TINAGL1: variants seen among roughly 807,000 people sequenced by gnomAD.
TINAGL1 encodes the protein tubulointerstitial nephritis antigen like 1.
A neutral mutation model predicts 62.0 loss-of-function variants in TINAGL1; 34 were observed. That is an observed-to-expected ratio of 0.55 (90% confidence interval 0.42 to 0.73). The LOEUF (loss-of-function observed/expected upper bound fraction) is 0.73, where lower values mean the gene tolerates loss of function less well. Ranked by LOEUF, TINAGL1 falls within the 30% of genes least tolerant of loss-of-function variation. The pLI is 0.00. For missense variants in TINAGL1, 516 were observed against 653.2 expected (o/e 0.79, Z 2.29); for synonymous variants, 221 against 249.7 (o/e 0.88, Z 1.08).
At position 31,585,398 on chromosome 1, in the gene TINAGL1, T is replaced by G. The variant is rs769681672; in HGVS notation, c.1048-42T>G. On this transcript the variant is annotated intron_variant, in intron 8 of 11. Transcript: ENST00000271064. This position sits in a 1 kb window ranked among gnomAD's most constrained non-coding sequence, Gnocchi z 4.3. ...AGGAGGGTTGTGAAAGCCTGGAGTC[T>G]CACCCCTGACGTATGCTCTCTGTCC... The G allele has an allele frequency of 2.5e-6, 4 of 1,610,350 alleles. No homozygotes were observed. The highest frequency in any genetic ancestry group is 3.4e-6 in the Non-Finnish European group (4 of 1,178,190).
Position 31,586,942 on chromosome 1 carries a change from G to C in TINAGL1, c.1367G>C (p.Trp456Ser). Residue 456 changes from tryptophan (W) to serine (S), a missense_variant, in exon 12 of 12, where the codon TGG becomes TCG. Physicochemically the swap from Trp to Ser is radical, Grantham distance 177 (BLOSUM62 -3). Transcript: ENST00000271064. ...ATCGAGAGCTTCGTGCTGGGCGTCT[G>C]GGGCCGCGTGGGCATGGAGGACATG... ...CDIESFVLGV[W>S]GRVGMEDMGH... 1 of 1,532,898 alleles carries C rather than the reference G, an allele frequency of 6.5e-7. No homozygotes were observed. The highest frequency in any genetic ancestry group is 8.7e-7 in the Non-Finnish European group (1 of 1,143,810). The allele number at this position is 1,532,898 out of a possible 1,614,324, so 95.0% of individuals were successfully genotyped here. A position where few individuals can be genotyped will look rare whatever the true frequency, so the allele number is the denominator to read the frequency against.
intron 3 of TINAGL1, chr1:31,580,164 TC>T (rs1639181961): frequency 1.5e-5 from 2 of 132,436 alleles, no homozygotes; most frequent in East Asian, 5.0e-4. Flanking sequence ...GTTAATGCGC[TC>T]TCTCTCTCTC....
In TINAGL1 at chr1:31,587,017, G is replaced by A; in HGVS notation, c.*38G>A. The A allele has an allele frequency of 1.4e-6, 2 of 1,419,704 alleles. No individual in the cohort carries two copies. Among genetic ancestry groups the A allele is most frequent in the Non-Finnish European group, 1.8e-6 (2 of 1,090,858 alleles). The allele number at this position is 1,419,704 out of a possible 1,614,324, so 87.9% of individuals were successfully genotyped here. Reference sequence around the variant, plus strand: ...CACGCGGGGTCCGGCCTGGGATCCAGGCTAAGGGCCGGCGGAAGAGGCCCC... The same window carrying A: ...CACGCGGGGTCCGGCCTGGGATCCAAGCTAAGGGCCGGCGGAAGAGGCCCC... On this transcript the variant is annotated 3_prime_UTR_variant, in exon 12 of 12. Transcript: ENST00000271064.
intron 3 of TINAGL1, among the ~76,000 whole-genome samples, chr1:31,581,079 C>T (rs147856395): frequency 6.6e-6 from 1 of 152,170 alleles, no homozygotes; most frequent in Non-Finnish European, 1.5e-5. Flanking sequence ...GGGAGTGGCT[C>T]GTGGGAAGGC....
rs555638502 is a variant in TINAGL1, at chr1:31,579,792, A to T, written c.374+525A>T. 98 of 160,102 alleles carry T rather than the reference A, an allele frequency of 6.1e-4. 1 individual carries two copies. Among genetic ancestry groups the T allele is most frequent in the Non-Finnish European group, 1.0e-3 (76 of 72,826 alleles). 9.9% of individuals were successfully genotyped at this position (160,102 alleles called of 1,614,324 possible). A position where few individuals can be genotyped will look rare whatever the true frequency, so the allele number is the denominator to read the frequency against. On this transcript the variant is annotated intron_variant, in intron 3 of 11. Transcript: ENST00000271064. ...TGGGTACCCCCCTATTCAGTCTGAG[A>T]TGGGAAGTGGAGAAGGGCCAGGTAG...
At chr1:31,580,281 C>T in intron 3 of TINAGL1, 2 of 1,223,516 alleles carry the variant, frequency 1.6e-6, no homozygotes, top group Non-Finnish European at 2.1e-6. Flanking sequence ...TGTCCCTGGC[C>T]CCTTAGGCCC....
In TINAGL1 at chr1:31,587,505, G is replaced by A. The variant is rs1639431493; in HGVS notation, c.*526G>A. ...CTAATTTTTGTATTTTTTGTAAAGA[G>A]GGGGGTCTCACTGTGTTGCCCAGGC... On this transcript the variant is annotated 3_prime_UTR_variant, in exon 12 of 12. Transcript: ENST00000271064. 6.6e-6 allele frequency: 1 copy of A among 152,094 alleles called. No homozygotes were observed. The highest frequency in any genetic ancestry group is 6.6e-5 in the Admixed American group (1 of 15,250). The allele number at this position is 152,094 out of a possible 1,614,324, so 9.4% of individuals were successfully genotyped here.
Position 31,583,646 on chromosome 1 carries a change from C to G in TINAGL1, c.582+71C>G. The G allele has an allele frequency of 7.4e-7, 1 of 1,353,422 alleles. No individual in the cohort carries two copies. Among genetic ancestry groups the G allele is most frequent in the Non-Finnish European group, 1.0e-6 (1 of 975,486 alleles). 83.8% of individuals were successfully genotyped at this position (1,353,422 alleles called of 1,614,324 possible). A position where few individuals can be genotyped will look rare whatever the true frequency, so the allele number is the denominator to read the frequency against. On this transcript the variant is annotated intron_variant, in intron 5 of 11. Coordinates refer to ENST00000271064, the MANE Select transcript of TINAGL1 (RefSeq NM_022164.3). The surrounding 1 kb of genome is among the most constrained non-coding windows in gnomAD (Gnocchi z 4.4). ...GAACCTCAGGGATGCTGGCCCTGTG[C>G]CCTGCTCCTCCAAGGGCCTGGACCA... is the stretch of plus-strand genomic sequence containing the variant.
At position 31,587,177 on chromosome 1, in the gene TINAGL1, C is replaced by T; in HGVS notation, c.*198C>T. 1.3e-6 allele frequency: 1 copy of T among 765,092 alleles called. No homozygotes were observed. The highest frequency in any genetic ancestry group is 1.8e-6 in the Non-Finnish European group (1 of 552,580). The allele number at this position is 765,092 out of a possible 1,614,324, so 47.4% of individuals were successfully genotyped here. A position where few individuals can be genotyped will look rare whatever the true frequency, so the allele number is the denominator to read the frequency against. ...CGGGCAGGCGAGACTGGCGGAGCCC[C>T]CAGACCTCCCAGTGGGGACGGGGCA... On this transcript the variant is annotated 3_prime_UTR_variant, in exon 12 of 12. Coordinates refer to ENST00000271064, the MANE Select transcript of TINAGL1 (RefSeq NM_022164.3).
intron 3 of TINAGL1, among the ~76,000 whole-genome samples, chr1:31,581,397 C>A (rs902248305): frequency 6.6e-6 from 1 of 151,898 alleles, no homozygotes; most frequent in Non-Finnish European, 1.5e-5. Flanking sequence ...AGTGGAGGGG[C>A]GAGAGGTAGG....
Position 31,586,948 on chromosome 1 carries a change from G to A in TINAGL1, c.1373G>A (p.Arg458His), listed in dbSNP as rs749823434. The A allele has an allele frequency of 1.3e-6, 2 of 1,531,596 alleles. No homozygotes were observed. Among genetic ancestry groups the A allele is most frequent in the Non-Finnish European group, 1.7e-6 (2 of 1,143,328 alleles). 94.9% of individuals were successfully genotyped at this position (1,531,596 alleles called of 1,614,324 possible). ...IESFVLGVWGRVGMEDMGHH is the reference protein window; with the variant it reads ...IESFVLGVWGHVGMEDMGHH ...AGCTTCGTGCTGGGCGTCTGGGGCC[G>A]CGTGGGCATGGAGGACATGGGTCAT... Residue 458 changes from arginine (R) to histidine (H), a missense_variant, in exon 12 of 12, where the codon CGC becomes CAC. Arg to His is a conservative substitution (Grantham distance 29). Transcript: ENST00000271064.
In TINAGL1 at chr1:31,584,823, G is replaced by A; in HGVS notation, c.706+22G>A. Reference sequence around the variant, plus strand: ...GCAGGTAAGCCAAGGGCAAGGGCTGGCGCCTGGGAGAGGAGGGCCAAGTCC... The same window carrying A: ...GCAGGTAAGCCAAGGGCAAGGGCTGACGCCTGGGAGAGGAGGGCCAAGTCC... On this transcript the variant is annotated intron_variant, in intron 6 of 11. Coordinates refer to ENST00000271064, the MANE Select transcript of TINAGL1 (RefSeq NM_022164.3). The surrounding 1 kb of genome is among the most constrained non-coding windows in gnomAD (Gnocchi z 4.0). 1 of 1,614,206 alleles carries A rather than the reference G, an allele frequency of 6.2e-7. No individual in the cohort carries two copies. Among genetic ancestry groups the A allele is most frequent in the Non-Finnish European group, 8.5e-7 (1 of 1,179,998 alleles).
Position 31,583,404 on chromosome 1 carries a change from G to A in TINAGL1, c.468-57G>A, listed in dbSNP as rs995506122. ...GTCTCTCCCACCCACATGCACCCAC[G>A]CCAAGGACCCTGAGCCTCGGCAGAT... On this transcript the variant is annotated intron_variant, in intron 4 of 11. Transcript: ENST00000271064. This position sits in a 1 kb window ranked among gnomAD's most constrained non-coding sequence, Gnocchi z 4.4. 1.2e-5 allele frequency: 18 copies of A among 1,557,572 alleles called. No individual in the cohort carries two copies. Among genetic ancestry groups the A allele is most frequent in the Middle Eastern group, 1.7e-4 (1 of 5,954 alleles).
At position 31,585,375 on chromosome 1, in the gene TINAGL1, G is replaced by A. The variant is rs1418453544; in HGVS notation, c.1047+35G>A. The A allele has an allele frequency of 9.3e-6, 15 of 1,606,428 alleles. No individual in the cohort carries two copies. Among genetic ancestry groups the A allele is most frequent in the Non-Finnish European group, 1.3e-5 (15 of 1,175,386 alleles). ...CACTTGGGTGAGGGCGCCGAGGCAG[G>A]AGGGTTGTGAAAGCCTGGAGTCTCA... On this transcript the variant is annotated intron_variant, in intron 8 of 11. Coordinates refer to ENST00000271064, the MANE Select transcript of TINAGL1 (RefSeq NM_022164.3). The surrounding 1 kb of genome is among the most constrained non-coding windows in gnomAD (Gnocchi z 4.3).
At position 31,585,135 on chromosome 1, in the gene TINAGL1, C is replaced by T; in HGVS notation, c.858-16C>T. ...CTGAGTCTTTCTGCCTTTGCTCCCTCTTGCTGCCTTTGCAGGGTGGTGTCT... is the reference window on the plus strand; with the variant it reads ...CTGAGTCTTTCTGCCTTTGCTCCCTTTTGCTGCCTTTGCAGGGTGGTGTCT... On this transcript the variant is annotated splice_polypyrimidine_tract_variant and intron_variant, in intron 7 of 11. Coordinates refer to ENST00000271064, the MANE Select transcript of TINAGL1 (RefSeq NM_022164.3). This position sits in a 1 kb window ranked among gnomAD's most constrained non-coding sequence, Gnocchi z 4.3. 6.4e-7 allele frequency: 1 copy of T among 1,568,396 alleles called. No individual in the cohort carries two copies. The highest frequency in any genetic ancestry group is 8.7e-7 in the Non-Finnish European group (1 of 1,154,160).
At chr1:31,579,087 G>GA in intron 2 of TINAGL1, 117 bp from the exon 3 acceptor site, 1 of 735,136 alleles carries the variant, frequency 1.4e-6, no homozygotes, top group Non-Finnish European at 2.4e-6. Flanking sequence ...GTGAGACAGA[G>GA]AGAGAGAAAG....
rs778497873 is a variant in TINAGL1 at position 31,577,504 on chromosome 1, A to C, written c.310+46A>C. ...GAGGGTGGGTCACTTTGTCCACCTC[A>C]GACTCAGCAAGGCTCAAGAGCAAAG... On this transcript the variant is annotated intron_variant, in intron 2 of 11. Transcript: ENST00000271064. The surrounding 1 kb of genome is among the most constrained non-coding windows in gnomAD (Gnocchi z 5.4). 9.0e-6 allele frequency: 14 copies of C among 1,556,542 alleles called. No homozygotes were observed. The highest frequency in any genetic ancestry group is 1.2e-5 in the Non-Finnish European group (14 of 1,147,846).
chr1:31,580,314 T>C (rs1197602094), intron 3 of TINAGL1: 14 of 1,261,706 alleles, frequency 1.1e-5, no homozygotes, highest in Non-Finnish European at 1.4e-5. Context: ...TGGGACCTGC[T>C]ACCACCGGCC....
chr1:31,585,376 A>C lies in TINAGL1; in HGVS notation c.1047+36A>C. On this transcript the variant is annotated intron_variant, in intron 8 of 11. Coordinates refer to ENST00000271064, the MANE Select transcript of TINAGL1 (RefSeq NM_022164.3). This position sits in a 1 kb window ranked among gnomAD's most constrained non-coding sequence, Gnocchi z 4.3. Reference sequence around the variant, plus strand: ...ACTTGGGTGAGGGCGCCGAGGCAGGAGGGTTGTGAAAGCCTGGAGTCTCAC... The same window carrying C: ...ACTTGGGTGAGGGCGCCGAGGCAGGCGGGTTGTGAAAGCCTGGAGTCTCAC... 2 of 1,606,338 alleles carry C rather than the reference A, an allele frequency of 1.2e-6. No homozygotes were observed. The highest frequency in any genetic ancestry group is 1.7e-6 in the Non-Finnish European group (2 of 1,175,296).
Sources: gnomAD v4.1 joint callset for allele counts (sites outside exome capture counted in the v4.1 genomes callset) on GRCh38, gnomAD v4.1.1 for gene constraint, Gnocchi (gnomAD v3.1) non-coding constraint, MANE v1.5 for transcripts, NCBI Gene and HGNC (gene_info 2026-07-23, HGNC 2026-07-21) for gene names.